The following DOK6 variants were observed in gnomAD, a reference collection of about 807,000 sequenced individuals.
The protein encoded by DOK6 is docking protein 6.
DOK6 carries 22 observed loss-of-function variants against 44.0 expected under a neutral mutation model. The observed-to-expected ratio is 0.50, with a 90% CI of 0.36 to 0.71. The LOEUF (loss-of-function observed/expected upper bound fraction) is 0.71, where lower values mean the gene tolerates loss of function less well. DOK6 is among the 30% of genes least tolerant of loss of function. The probability of loss-of-function intolerance (pLI) is 0.00; values close to 1 mark genes in which losing one functional copy is unlikely to be tolerated. For missense variants in DOK6, 340 were observed against 416.4 expected (o/e 0.82, Z 1.60); for synonymous variants, 166 against 145.5 (o/e 1.14, Z -1.01).
intron 4 of DOK6, among the ~76,000 whole-genome samples, chr18:69,689,956 T>C (rs7227629): frequency 0.83 from 125,534 of 152,032 alleles, 52,121 homozygotes; most frequent in East Asian, 0.98. Context: ...GTGGAATATA[T>C]AGGTTAAATA....
At chr18:69,514,763 G>T in intron 1 of DOK6, among the ~76,000 whole-genome samples, 1 of 149,904 alleles carries the variant, frequency 6.7e-6, no homozygotes, top group African/African-American at 2.4e-5. Flanking sequence ...TTAGGCTGTT[G>T]TCTTTGCCTA....
intron 2 of DOK6, among the ~76,000 whole-genome samples, chr18:69,588,590 A>T (rs915297933): frequency 1.3e-5 from 2 of 152,106 alleles, no homozygotes; most frequent in African/African-American, 4.8e-5. Context: ...AATCACAGGC[A>T]AGGAAACTTT....
At chr18:69,821,376 G>A (rs1038896788) in intron 7 of DOK6, among the ~76,000 whole-genome samples, 1 of 152,062 alleles carries the variant, frequency 6.6e-6, no homozygotes, top group Non-Finnish European at 1.5e-5. Context: ...GTCTGTTACG[G>A]GGGTGGCAGT....
At chr18:69,535,027 T>C (rs113908420) in intron 1 of DOK6, among the ~76,000 whole-genome samples, 1 of 152,130 alleles carries the variant, frequency 6.6e-6, no homozygotes, top group Non-Finnish European at 1.5e-5. Context: ...GCTATATCAA[T>C]GTGCTTCCCT....
At chr18:69,532,295 C>T (rs562508702) in intron 1 of DOK6, among the ~76,000 whole-genome samples, 1 of 152,296 alleles carries the variant, frequency 6.6e-6, no homozygotes, top group South Asian at 2.1e-4. Flanking sequence ...GAGCATTTAT[C>T]AACAAACATT....
chr18:69,758,987 T>C (rs535046569), intron 7 of DOK6, among the ~76,000 whole-genome samples: 2 of 152,370 alleles, frequency 1.3e-5, no homozygotes, highest in South Asian at 4.1e-4. Context: ...TAAAGATATG[T>C]TCTACAAGGC....
chr18:69,638,788 A>C (rs1984870983), intron 3 of DOK6, among the ~76,000 whole-genome samples: 1 of 152,222 alleles, frequency 6.6e-6, no homozygotes, highest in Non-Finnish European at 1.5e-5. Context: ...TGCCTGTTTA[A>C]GAAAATATGT....
intron 1 of DOK6, among the ~76,000 whole-genome samples, chr18:69,547,931 A>AATATATATATAATATATATATT (rs1568292882): frequency 4.9e-5 from 7 of 143,580 alleles, no homozygotes; most frequent in African/African-American, 1.7e-4. Context: ...TATAATATAT[A>AATATATATATAATATATATATT]ATATATATAT....
At chr18:69,769,610 C>T (rs1979828420) in intron 7 of DOK6, among the ~76,000 whole-genome samples, 1 of 152,076 alleles carries the variant, frequency 6.6e-6, no homozygotes, top group Non-Finnish European at 1.5e-5. Context: ...AAAACAACAA[C>T]ATAAAAAGCA....
At chr18:69,817,769 C>A (rs994880195) in intron 7 of DOK6, among the ~76,000 whole-genome samples, 4 of 152,142 alleles carry the variant, frequency 2.6e-5, no homozygotes, top group African/African-American at 9.7e-5. Flanking sequence ...GGTCCTGAGT[C>A]ATCCTCTAAC....
At position 69,475,978 on chromosome 18, in the gene DOK6, C is replaced by T. The variant is rs555609039; in HGVS notation, c.66+74668C>T. On this transcript the variant is annotated intron_variant, in intron 1 of 7. Coordinates refer to ENST00000382713, the MANE Select transcript of DOK6 (RefSeq NM_152721.6). Reference sequence around the variant, plus strand: ...TGTGATGCTGAAGTTTGGAGTATGACTGGTCCCATCACCCAGTAAGCATAG... The same window carrying T: ...TGTGATGCTGAAGTTTGGAGTATGATTGGTCCCATCACCCAGTAAGCATAG... 9.6e-5 allele frequency among the ~76,000 whole-genome samples: 14 copies of T among 145,282 alleles called. No individual in the cohort carries two copies. In the East Asian group the frequency reaches 2.5e-3, roughly 26 times the overall value.
chr18:69,527,945 C>T (rs4243310), intron 1 of DOK6, among the ~76,000 whole-genome samples: 135,892 of 152,128 alleles, frequency 0.89, 61,431 homozygotes, highest in East Asian at 0.99. Context: ...GGGCGGATCA[C>T]GAGGTCAGGA....
At chr18:69,654,024 C>A (rs73463991) in intron 3 of DOK6, among the ~76,000 whole-genome samples, 1 of 151,776 alleles carries the variant, frequency 6.6e-6, no homozygotes, top group Non-Finnish European at 1.5e-5. Flanking sequence ...AGAATTGAGA[C>A]GTCTAAAAAA....
chr18:69,840,502 T>C (rs938876037), intron 7 of DOK6, among the ~76,000 whole-genome samples: 1 of 152,224 alleles, frequency 6.6e-6, no homozygotes, highest in Non-Finnish European at 1.5e-5. Context: ...TTCTGAAAAG[T>C]TTTCGGTAAT....
At chr18:69,758,107 T>C (rs1425272761) in intron 7 of DOK6, among the ~76,000 whole-genome samples, 1 of 152,246 alleles carries the variant, frequency 6.6e-6, no homozygotes, top group Non-Finnish European at 1.5e-5. Flanking sequence ...AGGACCCCAT[T>C]TGGCACGAGA....
intron 3 of DOK6, among the ~76,000 whole-genome samples, chr18:69,611,279 TGACA>T (rs1196587151): frequency 1.3e-5 from 2 of 151,914 alleles, no homozygotes; most frequent in Non-Finnish European, 2.9e-5. Context: ...TCAGCATGAC[TGACA>T]GTTTTTAAAA....
In DOK6 at chr18:69,446,717, T is replaced by G. The variant is rs1979305141; in HGVS notation, c.66+45407T>G. Among the ~76,000 whole-genome samples, 4 of 152,342 alleles carry G rather than the reference T, an allele frequency of 2.6e-5. No individual in the cohort carries two copies. The South Asian group carries it at 8.3e-4, about 32-fold the overall frequency. On this transcript the variant is annotated intron_variant, in intron 1 of 7. Transcript: ENST00000382713. ...GTTTCTCCACATCTTCTCCAGCACC[T>G]GTTGTTTCCTGACTTTTTAGTGATC... is the stretch of plus-strand genomic sequence containing the variant.
chr18:69,825,595 G>A (rs752686607), intron 7 of DOK6, among the ~76,000 whole-genome samples: 28 of 151,520 alleles, frequency 1.8e-4, no homozygotes, highest in Admixed American at 1.3e-4. Context: ...CACCACGCCC[G>A]GCTAATTTTT....
At chr18:69,769,550 G>A (rs894866017) in intron 7 of DOK6, among the ~76,000 whole-genome samples, 2 of 151,952 alleles carry the variant, frequency 1.3e-5, no homozygotes, top group African/African-American at 2.4e-5. Flanking sequence ...ACTTCTGATA[G>A]TATAATTTAG....
Sources: allele counts gnomAD v4.1 joint callset (sites outside exome capture counted in the v4.1 genomes callset), GRCh38; gene constraint gnomAD v4.1.1; transcripts MANE v1.5; gene names NCBI Gene and HGNC (gene_info 2026-07-23, HGNC 2026-07-21).